Variants in CATSPER1 observed in about 807,000 individuals in gnomAD.
CATSPER1 encodes cation channel sperm associated 1, also known as cation channel sperm-associated protein 1.
Under a neutral mutation model 72.7 loss-of-function variants are expected in CATSPER1, and 57 were observed. That is an observed-to-expected ratio of 0.78 (90% confidence interval 0.63 to 0.98). The LOEUF (loss-of-function observed/expected upper bound fraction) is 0.98, where lower values mean the gene tolerates loss of function less well. Among genes scored for constraint, CATSPER1 ranks in the 50% least tolerant of loss-of-function variants. CATSPER1 has a pLI of 0.00. For missense variants in CATSPER1, 910 were observed against 1,033.9 expected (o/e 0.88, Z 1.64); for synonymous variants, 363 against 403.0 (o/e 0.90, Z 1.19).
In CATSPER1 at chr11:66,025,616, G is replaced by A; in HGVS notation, c.764C>T (p.Ser255Phe). Residue 255 changes from serine to phenylalanine, a missense_variant, in exon 1 of 12, where the codon TCC (serine) becomes TTC (phenylalanine). Physicochemically the swap from Ser to Phe is radical, Grantham distance 155. Transcript: ENST00000312106. Reference protein sequence around the residue: ...ETISPHSSVGSYQRGISDYHS... With the variant: ...ETISPHSSVGFYQRGISDYHS... ...ATAGTCAGATATCCCACGCTGGTAG[G>A]ACCCCACAGAGGAATGAGGGGAAAT... 6.2e-7 allele frequency: 1 copy of A among 1,612,712 alleles called. No homozygotes were observed. The highest frequency in any genetic ancestry group is 8.5e-7 in the Non-Finnish European group (1 of 1,179,376).
intron 2 of CATSPER1, among the ~76,000 whole-genome samples, chr11:66,022,559 G>A (rs533201585): frequency 1.3e-5 from 2 of 152,318 alleles, no homozygotes; most frequent in East Asian, 3.9e-4. Flanking sequence ...CGCGAAGCTC[G>A]GGCTCCAGGC....
intron 1 of CATSPER1, among the ~76,000 whole-genome samples, chr11:66,024,569 C>T (rs931058822): frequency 1.3e-5 from 2 of 152,138 alleles, no homozygotes; most frequent in East Asian, 1.9e-4. Context: ...CGTGAGTCAC[C>T]GCGCCTGGCC....
intron 2 of CATSPER1, 88 bp from the exon 3 acceptor site, chr11:66,021,967 TC>T: frequency 1.0e-6 from 1 of 973,186 alleles, no homozygotes; most frequent in Non-Finnish European, 1.7e-6. Context: ...AAGCCCAGAT[TC>T]CCAGGCTCTC....
rs1256084489 is a variant in CATSPER1, at chr11:66,020,330, T to C, written c.2051A>G (p.Lys684Arg). ...CCCACTCGGTACCTCCTGCTTCGCT[T>C]TCTCAAGGCCTTTGAACAGCGCCGT... ...FQTALFKGLE[K>R]AKQERAARIQ... Residue 684 changes from lysine to arginine, a missense_variant, in exon 8 of 12, where the codon AAA (lysine) becomes AGA (arginine). Physicochemically the swap from Lys to Arg is conservative, Grantham distance 26. Transcript: ENST00000312106. This position sits in a 1 kb window ranked among gnomAD's most constrained non-coding sequence, Gnocchi z 4.5. 6.2e-7 allele frequency: 1 copy of C among 1,614,184 alleles called. No homozygotes were observed. Among genetic ancestry groups the C allele is most frequent in the South Asian group, 1.1e-5 (1 of 91,088 alleles).
rs779760561 is a variant in CATSPER1, at chr11:66,026,019, G to A, written c.361C>T (p.Arg121Cys). The change falls in exon 1 of 12, where the codon CGT (arginine) becomes TGT (cysteine). Residue 121 changes from arginine (R) to cysteine (C), a missense_variant. Physicochemically the swap from Arg to Cys is radical, Grantham distance 180. Transcript: ENST00000312106. ...CCATCATGATGCCTCCTGCCATCAC[G>A]TTGGAGCTCATCATGGTAGTCCTCA... Reference protein sequence around the residue: ...YGEDYHDELQRDGRRHHDGSQ... With the variant: ...YGEDYHDELQCDGRRHHDGSQ... 6.8e-6 allele frequency: 11 copies of A among 1,613,956 alleles called. No homozygotes were observed. The highest frequency in any genetic ancestry group is 2.2e-5 in the East Asian group (1 of 44,888).
Position 66,017,193 on chromosome 11 carries a change from G to GGGGGGGGGGGGGGGGGCGC in CATSPER1, c.2202-20_2202-19insGCGCCCCCCCCCCCCCCCC. The GGGGGGGGGGGGGGGGGCGC allele has an allele frequency of 2.0e-6, 1 of 493,808 alleles. No homozygotes were observed. Among genetic ancestry groups the GGGGGGGGGGGGGGGGGCGC allele is most frequent in the Non-Finnish European group, 4.0e-6 (1 of 252,616 alleles). The allele number at this position is 493,808 out of a possible 1,614,324, so 30.6% of individuals were successfully genotyped here. On this transcript the variant is annotated intron_variant, in intron 10 of 11. Coordinates refer to ENST00000312106, the MANE Select transcript of CATSPER1 (RefSeq NM_053054.4). ...CTGCTGCCTGCGGGTGGGCGGGGGG[G>GGGGGGGGGGGGGGGGGCGC]TCGCAGAGACAGGGGCTGGGCTGAC...
intron 10 of CATSPER1, 74 bp downstream of exon 10, chr11:66,018,753 C>G: frequency 6.8e-7 from 1 of 1,477,406 alleles, no homozygotes; most frequent in Non-Finnish European, 9.4e-7. Context: ...ATGTCCCTTT[C>G]CCTCCAGCCC....
Position 66,026,326 on chromosome 11 carries a change from G to A in CATSPER1, c.54C>T (p.Asn18=), listed in dbSNP as rs1893316. 384,978 of 1,613,956 alleles carry A rather than the reference G, an allele frequency of 0.24. 50,052 individuals carry two copies. Among genetic ancestry groups the A allele is most frequent in the Admixed American group, 0.41 (24,404 of 60,010 alleles). ...EKAQNEADTN[N]ADRFFRSHSS... is the part of the protein sequence containing the mutation. ...AGTGAGAGCGAAAGAACCTATCTGC[G>A]TTATTGGTGTCTGCCTCATTCTGAG... The change falls in exon 1 of 12, where the codon AAC becomes AAT. Residue 18 remains asparagine, a synonymous_variant. Coordinates refer to ENST00000312106, the MANE Select transcript of CATSPER1 (RefSeq NM_053054.4).
chr11:66,020,195 G>A lies in CATSPER1; in HGVS notation c.2070C>T (p.Ala690=), dbSNP rs3829937. ...KGLEKAKQER[A]ARIQEKLLED... is the part of the protein sequence containing the mutation. ...CCAGCAGCTTCTCTTGGATCCGGGC[G>A]GCCCTCTGGGAAGAAGAGGCCTCAG... Residue 690 remains alanine, a synonymous_variant, in exon 9 of 12, where the codon GCC becomes GCT. Coordinates refer to ENST00000312106, the MANE Select transcript of CATSPER1 (RefSeq NM_053054.4). The surrounding 1 kb of genome is among the most constrained non-coding windows in gnomAD (Gnocchi z 4.5). 250,496 of 1,613,442 alleles carry A rather than the reference G, an allele frequency of 0.16. 20,286 individuals are homozygous for A. Among genetic ancestry groups the A allele is most frequent in the Middle Eastern group, 0.24 (1,457 of 6,056 alleles).
intron 9 of CATSPER1, 35 bp from the exon 10 acceptor site, chr11:66,018,937 T>C (rs1440638144): frequency 6.4e-7 from 1 of 1,573,326 alleles, no homozygotes; most frequent in Admixed American, 1.7e-5. Context: ...GGTCAAGGCC[T>C]GGATTTGGAG....
chr11:66,023,077 C>A lies in CATSPER1; in HGVS notation c.1217-16G>T. The A allele has an allele frequency of 6.2e-7, 1 of 1,610,948 alleles. No homozygotes were observed. Among genetic ancestry groups the A allele is most frequent in the South Asian group, 1.1e-5 (1 of 90,996 alleles). On this transcript the variant is annotated splice_polypyrimidine_tract_variant and intron_variant, in intron 1 of 11. Transcript: ENST00000312106. ...AGCCGGCCGGCTGAAAGGAACAGGG[C>A]CAGAAAGTCAAGTGTGTGCAAGAGG... is the stretch of plus-strand genomic sequence containing the variant.
rs1367098895 is a variant in CATSPER1, at chr11:66,025,318, T to C, written c.1062A>G (p.Ala354=). The change falls in exon 1 of 12, where the codon GCA becomes GCG. Residue 354 remains alanine, a synonymous_variant. Transcript: ENST00000312106. ...TGCTGTGAGCCGAGCCCCGTGGGTG[T>C]GCTACGTGATAGGGGAAGACTCCTG... The part of the protein sequence containing the change: ...SRTGVFPYHV[A]HPRGSAHSMT... 5.6e-6 allele frequency: 9 copies of C among 1,613,958 alleles called. No individual in the cohort carries two copies. The highest frequency in any genetic ancestry group is 1.3e-5 in the African/African-American group (1 of 74,880).
Position 66,025,444 on chromosome 11 carries a change from A to G in CATSPER1, c.936T>C (p.Ser312=). The change falls in exon 1 of 12, where the codon AGT becomes AGC. Residue 312 remains serine (S), a synonymous_variant. Transcript: ENST00000312106. The part of the protein sequence containing the change: ...HQDHHGAYHS[S]YLHGDYVQST... ...TCTGGACGTAGTCGCCATGGAGGTA[A>G]CTGGAATGATACGCGCCGTGGTGGT... 1 of 1,610,494 alleles carries G rather than the reference A, an allele frequency of 6.2e-7. No homozygotes were observed. Among genetic ancestry groups the G allele is most frequent in the African/African-American group, 1.4e-5 (1 of 73,672 alleles).
chr11:66,017,384 T>C (rs1016103316), intron 10 of CATSPER1, among the ~76,000 whole-genome samples: 5 of 152,072 alleles, frequency 3.3e-5, no homozygotes, highest in Non-Finnish European at 7.4e-5. Context: ...TCTGGCTTTG[T>C]TTATCTTCCT....
At position 66,021,864 on chromosome 11, in the gene CATSPER1, G is replaced by C. The variant is rs202004405; in HGVS notation, c.1445C>G (p.Ala482Gly). Reference sequence around the variant, plus strand: ...GATGCAGAAGAATATGGAGTCCAAGGCCATGAAGTACCACTCTGCAGGAAC... The same window carrying C: ...GATGCAGAAGAATATGGAGTCCAAGCCCATGAAGTACCACTCTGCAGGAAC... ...VEIRGEWYFM[A>G]LDSIFFCIYV... The change falls in exon 3 of 12, where the codon GCC becomes GGC. Residue 482 changes from alanine (A) to glycine (G), a missense_variant. Transcript: ENST00000312106. 1.9e-4 allele frequency: 310 copies of C among 1,613,812 alleles called. 2 individuals carry two copies. The East Asian group carries it at 6.8e-3, about 35-fold the overall frequency.
chr11:66,017,283 C>G, intron 10 of CATSPER1, 109 bp from the exon 11 acceptor site: 1 of 727,210 alleles, frequency 1.4e-6, no homozygotes, highest in South Asian at 1.7e-5. Flanking sequence ...CTCCTCCCCA[C>G]AAAATTTATA....
rs772839077 is a variant in CATSPER1 at position 66,025,196 on chromosome 11, C to T, written c.1184G>A (p.Gly395Asp). Reference sequence around the variant, plus strand: ...TTTCTGAAATTGCCCTTCTTCTTTGCCCCAGTCTTCTGAATGTTTGGTGGA... The same window carrying T: ...TTTCTGAAATTGCCCTTCTTCTTTGTCCCAGTCTTCTGAATGTTTGGTGGA... Reference protein sequence around the residue: ...DISTKHSEDWGKEEGQFQKRK... With the variant: ...DISTKHSEDWDKEEGQFQKRK... The change falls in exon 1 of 12, where the codon GGC (glycine) becomes GAC (aspartate). Residue 395 changes from glycine to aspartate, a missense_variant. Gly to Asp is a moderately conservative substitution (Grantham distance 94). Transcript: ENST00000312106. 1.9e-6 allele frequency: 3 copies of T among 1,614,182 alleles called. No individual in the cohort carries two copies. Among genetic ancestry groups the T allele is most frequent in the South Asian group, 1.1e-5 (1 of 91,084 alleles).
rs112725798 is a variant in CATSPER1, at chr11:66,026,236, G to A, written c.144C>T (p.His48=). The change falls in exon 1 of 12, where the codon CAC becomes CAT. Residue 48 remains histidine (H), a synonymous_variant. Transcript: ENST00000312106. The stretch of plus-strand genomic sequence containing the variant: ...ATTCACCACGTTGGTGGGGCACGCC[G>A]TGATGGTGCAACTCGTAATGGTGGA... ...RALHHYELHH[H]GVPHQRGESH... 1.1e-3 allele frequency: 1,717 copies of A among 1,613,494 alleles called. 10 individuals carry two copies. In the African/African-American group the frequency reaches 0.015, roughly 14 times the overall value.
At position 66,016,769 on chromosome 11, in the gene CATSPER1, G is replaced by A. The variant is rs1856244920; in HGVS notation, c.*121C>T. On this transcript the variant is annotated 3_prime_UTR_variant, in exon 12 of 12. Coordinates refer to ENST00000312106, the MANE Select transcript of CATSPER1 (RefSeq NM_053054.4). ...GAGCCTCCTGGGGTTTAAAAACTCT[G>A]TTGGGGCCCCTGCTCTGCAGGGCCC... The A allele has an allele frequency of 8.3e-7, 1 of 1,200,702 alleles. No homozygotes were observed. The highest frequency in any genetic ancestry group is 1.5e-5 in the South Asian group (1 of 67,398). The allele number at this position is 1,200,702 out of a possible 1,614,324, so 74.4% of individuals were successfully genotyped here.
Sources: gnomAD v4.1 joint callset for allele counts (sites outside exome capture counted in the v4.1 genomes callset) on GRCh38, gnomAD v4.1.1 for gene constraint, Gnocchi (gnomAD v3.1) non-coding constraint, MANE v1.5 for transcripts, NCBI Gene and HGNC (gene_info 2026-07-23, HGNC 2026-07-21) for gene names.